The following CDK14 variants were observed in gnomAD, a reference collection of about 807,000 sequenced individuals.
CDK14 encodes cyclin dependent kinase 14.
A neutral mutation model predicts 60.7 loss-of-function variants in CDK14; 34 were observed. That is an observed-to-expected ratio of 0.56 (90% CI 0.43 to 0.75). The LOEUF (loss-of-function observed/expected upper bound fraction) is 0.75. Ranked by LOEUF, CDK14 falls within the 30% of genes least tolerant of loss-of-function variation. CDK14 has a pLI of 0.00. For missense variants in CDK14, 482 were observed against 564.1 expected (o/e 0.85, Z 1.47); for synonymous variants, 197 against 203.7 (o/e 0.97, Z 0.28).
At chr7:90,929,185 G>A (rs779887972) in intron 8 of CDK14, among the ~76,000 whole-genome samples, 1 of 152,188 alleles carries the variant, frequency 6.6e-6, no homozygotes, top group Non-Finnish European at 1.5e-5. Flanking sequence ...TGGGTGAGGC[G>A]ATGCCCCACC....
chr7:90,596,469 G>T lies in CDK14; in HGVS notation c.-159G>T, dbSNP rs1277089697. The T allele has an allele frequency of 1.8e-6, 1 of 554,662 alleles. No homozygotes were observed. The highest frequency in any genetic ancestry group is 3.2e-6 in the Non-Finnish European group (1 of 315,956). 34.4% of individuals were successfully genotyped at this position (554,662 alleles called of 1,614,324 possible). A position where few individuals can be genotyped will look rare whatever the true frequency, so the allele number is the denominator to read the frequency against. On this transcript the variant is annotated 5_prime_UTR_variant, in exon 1 of 15. Coordinates refer to ENST00000380050, the MANE Select transcript of CDK14 (RefSeq NM_001287135.2). ...GAGCGGAGCCTGCCGTCCTCCGCCT[G>T]CCTGCTGCTCGCCTCCCTAGACCTG... is the stretch of plus-strand genomic sequence containing the variant.
At chr7:90,823,448 C>T (rs1258124909) in intron 5 of CDK14, among the ~76,000 whole-genome samples, 5 of 152,190 alleles carry the variant, frequency 3.3e-5, no homozygotes, top group African/African-American at 1.2e-4. Context: ...TTATTTCTCA[C>T]TACATCCTTC....
At chr7:90,639,568 GGGGGTCA>G (rs1255749777) in intron 2 of CDK14, among the ~76,000 whole-genome samples, 1 of 151,832 alleles carries the variant, frequency 6.6e-6, no homozygotes, top group Non-Finnish European at 1.5e-5. Context: ...TAGGCTGCTC[GGGGGTCA>G]GGGGTCAGGG....
At chr7:90,950,610 G>A (rs1794227497) in intron 8 of CDK14, among the ~76,000 whole-genome samples, 1 of 152,212 alleles carries the variant, frequency 6.6e-6, no homozygotes, top group Non-Finnish European at 1.5e-5. Context: ...GATGGATGGT[G>A]ATGTGTAGCA....
intron 9 of CDK14, among the ~76,000 whole-genome samples, chr7:90,980,247 A>G (rs557894882): frequency 2.0e-5 from 3 of 152,272 alleles, no homozygotes; most frequent in African/African-American, 7.2e-5. Context: ...AGCATACTGC[A>G]TCCTGTGACA....
intron 14 of CDK14, among the ~76,000 whole-genome samples, chr7:91,206,792 A>G (rs1584217600): frequency 6.6e-6 from 1 of 152,198 alleles, no homozygotes; most frequent in Non-Finnish European, 1.5e-5. Flanking sequence ...GAACATAATG[A>G]TACGTCCTTT....
chr7:90,923,915 G>T (rs1448491251), intron 8 of CDK14, among the ~76,000 whole-genome samples: 2 of 152,198 alleles, frequency 1.3e-5, no homozygotes, highest in Non-Finnish European at 2.9e-5. Flanking sequence ...CAGCCATGAT[G>T]AACACAGTGG....
At chr7:90,739,892 G>A (rs1368104675) in intron 3 of CDK14, among the ~76,000 whole-genome samples, 1 of 152,116 alleles carries the variant, frequency 6.6e-6, no homozygotes, top group East Asian at 1.9e-4. Context: ...TGATGGTAAA[G>A]TGTGACATTC....
intron 5 of CDK14, among the ~76,000 whole-genome samples, chr7:90,852,619 G>A (rs906485258): frequency 1.3e-5 from 2 of 152,154 alleles, no homozygotes; most frequent in African/African-American, 4.8e-5. Flanking sequence ...TAAACACCCC[G>A]AACATTTGAG....
chr7:91,018,811 C>G (rs1796366614), intron 10 of CDK14, among the ~76,000 whole-genome samples: 1 of 152,192 alleles, frequency 6.6e-6, no homozygotes, highest in South Asian at 2.1e-4. Context: ...TGAGGTCTCC[C>G]CAGCCATGTT....
At chr7:90,827,818 G>T (rs917017374) in intron 5 of CDK14, among the ~76,000 whole-genome samples, 5 of 152,118 alleles carry the variant, frequency 3.3e-5, no homozygotes, top group Non-Finnish European at 5.9e-5. Flanking sequence ...GCCTCCAAAT[G>T]CCTTGATCTA....
chr7:90,750,646 G>C (rs573193375), intron 4 of CDK14, among the ~76,000 whole-genome samples: 54 of 152,314 alleles, frequency 3.5e-4, no homozygotes, highest in Admixed American at 3.3e-3. Flanking sequence ...GCCAAGGCGA[G>C]CGGATCATCT....
At chr7:90,650,645 G>A (rs1800613843) in intron 2 of CDK14, among the ~76,000 whole-genome samples, 1 of 152,148 alleles carries the variant, frequency 6.6e-6, no homozygotes, top group Admixed American at 6.5e-5. Context: ...TAAGGTGTAA[G>A]GAAGGGATCC....
Position 91,060,699 on chromosome 7 carries a change from C to A in CDK14, c.1105+14739C>A, listed in dbSNP as rs139206451. Among the ~76,000 whole-genome samples the A allele has an allele frequency of 8.1e-3, 1,232 of 152,208 alleles. 19 individuals carry two copies. Among genetic ancestry groups the A allele is most frequent in the African/African-American group, 0.027 (1,136 of 41,528 alleles). On this transcript the variant is annotated intron_variant, in intron 11 of 14. Coordinates refer to ENST00000380050, the MANE Select transcript of CDK14 (RefSeq NM_001287135.2). ...GATATGAAATTCTGGTTTGAAAATT[C>A]TTTTCTTTAAGAATGTTGAACATTG...
rs371341024 is a variant in CDK14 at position 91,112,694 on chromosome 7, A to C, written c.1294+13A>C. The C allele has an allele frequency of 5.9e-5, 95 of 1,612,606 alleles. No individual in the cohort carries two copies. The highest frequency in any genetic ancestry group is 7.0e-5 in the Non-Finnish European group (82 of 1,179,222). On this transcript the variant is annotated intron_variant, in intron 13 of 14. Transcript: ENST00000380050. The stretch of plus-strand genomic sequence containing the variant: ...GAACTCACCGACAGTGAGTATGACA[A>C]ATCCACAACATCCAGTCCAAGCAGA...
At chr7:91,182,166 C>T (rs1409321410) in intron 14 of CDK14, among the ~76,000 whole-genome samples, 1 of 152,106 alleles carries the variant, frequency 6.6e-6, no homozygotes, top group East Asian at 1.9e-4. Context: ...CACACACTAG[C>T]CTCAGAATGG....
intron 2 of CDK14, among the ~76,000 whole-genome samples, chr7:90,622,923 CT>C (rs1245736325): frequency 1.9e-3 from 253 of 130,292 alleles, no homozygotes; most frequent in African/African-American, 3.4e-3. Flanking sequence ...CTTTTTTTTT[CT>C]TTTTTTTTTT....
Position 90,655,394 on chromosome 7 carries a change from G to A in CDK14, c.123+51145G>A, listed in dbSNP as rs556044092. Reference sequence around the variant, plus strand: ...TTAAGATGCATGTGAAGTTCGAGATGGTCTATCGGTTTAAAAAAAAAACAG... The same window carrying A: ...TTAAGATGCATGTGAAGTTCGAGATAGTCTATCGGTTTAAAAAAAAAACAG... On this transcript the variant is annotated intron_variant, in intron 2 of 14. Coordinates refer to ENST00000380050, the MANE Select transcript of CDK14 (RefSeq NM_001287135.2). Among the ~76,000 whole-genome samples, 3 of 151,964 alleles carry A rather than the reference G, an allele frequency of 2.0e-5. No homozygotes were observed. In the East Asian group the frequency reaches 5.8e-4, roughly 29 times the overall value.
At chr7:90,797,873 G>C (rs1788496488) in intron 5 of CDK14, among the ~76,000 whole-genome samples, 1 of 151,906 alleles carries the variant, frequency 6.6e-6, no homozygotes, top group Non-Finnish European at 1.5e-5. Context: ...AACCACCCCA[G>C]ATCCAATCAC....
Sources: allele counts gnomAD v4.1 joint callset (sites outside exome capture counted in the v4.1 genomes callset), GRCh38; gene constraint gnomAD v4.1.1; transcripts MANE v1.5; gene names NCBI Gene and HGNC (gene_info 2026-07-23, HGNC 2026-07-21).